The following ASIC2 variants were observed in gnomAD, a reference collection of about 807,000 sequenced individuals.
ASIC2 encodes the protein acid-sensing ion channel 2.
A neutral mutation model predicts 57.3 loss-of-function variants in ASIC2; 25 were observed. That is an observed-to-expected ratio of 0.44 (90% confidence interval 0.32 to 0.61). ASIC2 has a LOEUF of 0.61. ASIC2 is among the 20% of genes least tolerant of loss of function. The pLI, the probability that ASIC2 is intolerant of heterozygous loss-of-function variation, is 0.06. For missense variants in ASIC2, 641 were observed against 738.1 expected, an observed-to-expected ratio of 0.87 and a Z score of 1.52; for synonymous variants, 319 against 307.5, an observed-to-expected ratio of 1.04 and a Z score of -0.39.
chr17:33,133,594 C>A (rs2092356360), intron 1 of ASIC2, among the ~76,000 whole-genome samples: 1 of 152,182 alleles, frequency 6.6e-6, no homozygotes, highest in Non-Finnish European at 1.5e-5. Flanking sequence ...CCAAAGGATT[C>A]GATCTTAGAT....
At chr17:33,543,008 C>A (rs938326748) in intron 1 of ASIC2, among the ~76,000 whole-genome samples, 20 of 151,068 alleles carry the variant, frequency 1.3e-4, no homozygotes, top group African/African-American at 4.9e-4. Flanking sequence ...AAATTGGAAA[C>A]CATCATTCTC....
intron 1 of ASIC2, among the ~76,000 whole-genome samples, chr17:33,871,619 G>C (rs1914411867): frequency 6.6e-6 from 1 of 152,144 alleles, no homozygotes; most frequent in South Asian, 2.1e-4. Context: ...CTCCATTCTA[G>C]TCTAAAGGTG....
At chr17:33,322,808 C>T (rs906475509) in intron 1 of ASIC2, among the ~76,000 whole-genome samples, 1 of 151,890 alleles carries the variant, frequency 6.6e-6, no homozygotes, top group African/African-American at 2.4e-5. Context: ...GAGGAGGCTT[C>T]TCGGAGGAGG....
chr17:33,999,182 CTGCT>C (rs1171996903), intron 1 of ASIC2, among the ~76,000 whole-genome samples: 1 of 152,106 alleles, frequency 6.6e-6, no homozygotes, highest in Admixed American at 6.5e-5. Flanking sequence ...AGAGCTACTC[CTGCT>C]TTTCTTTGGT....
At chr17:33,909,191 G>T (rs1915410164) in intron 1 of ASIC2, among the ~76,000 whole-genome samples, 1 of 152,146 alleles carries the variant, frequency 6.6e-6, no homozygotes, top group Non-Finnish European at 1.5e-5. Context: ...GAACAGCAGT[G>T]GTGCCTGCGC....
chr17:33,044,309 T>C (rs899484603), intron 3 of ASIC2, among the ~76,000 whole-genome samples: 2 of 148,704 alleles, frequency 1.3e-5, no homozygotes, highest in Admixed American at 6.7e-5. Flanking sequence ...CATCCAACCA[T>C]CCATCCATCC....
At chr17:33,729,566 T>C (rs1014866689) in intron 1 of ASIC2, among the ~76,000 whole-genome samples, 1 of 152,220 alleles carries the variant, frequency 6.6e-6, no homozygotes, top group African/African-American at 2.4e-5. Context: ...AGGTAACTGT[T>C]ATACCCACAG....
At chr17:34,146,909 G>C (rs756738026) in intron 1 of ASIC2, 2 of 152,318 alleles carry the variant, frequency 1.3e-5, no homozygotes, top group East Asian at 3.9e-4. Flanking sequence ...CTTCAGTCAG[G>C]CATATCATGG....
intron 1 of ASIC2, among the ~76,000 whole-genome samples, chr17:33,470,790 A>G (rs1001018898): frequency 2.0e-5 from 3 of 152,184 alleles, no homozygotes; most frequent in Admixed American, 6.5e-5. Context: ...TGAAATAAGG[A>G]CATGCCAGAG....
intron 1 of ASIC2, among the ~76,000 whole-genome samples, chr17:33,957,062 G>C (rs958336498): frequency 1.3e-5 from 2 of 152,202 alleles, no homozygotes; most frequent in African/African-American, 4.8e-5. Flanking sequence ...TAATCCTAGA[G>C]ATGAGGGATG....
chr17:33,157,297 C>T (rs1373663458), intron 1 of ASIC2, among the ~76,000 whole-genome samples: 4 of 152,164 alleles, frequency 2.6e-5, no homozygotes, highest in Non-Finnish European at 5.9e-5. Flanking sequence ...TATTTCAGGC[C>T]AGCCTTACAT....
At chr17:34,097,668 T>C (rs900276806) in intron 1 of ASIC2, among the ~76,000 whole-genome samples, 1 of 152,110 alleles carries the variant, frequency 6.6e-6, no homozygotes, top group Non-Finnish European at 1.5e-5. Context: ...TTTTTTGTGG[T>C]TTTTTAAAGA....
intron 1 of ASIC2, among the ~76,000 whole-genome samples, chr17:33,330,239 T>G (rs1009260088): frequency 2.0e-5 from 3 of 152,262 alleles, no homozygotes; most frequent in South Asian, 2.1e-4. Context: ...TATTCTAGAC[T>G]CCTCACCCCA....
chr17:33,458,343 C>T (rs777785159), intron 1 of ASIC2, among the ~76,000 whole-genome samples: 12 of 152,222 alleles, frequency 7.9e-5, no homozygotes, highest in Non-Finnish European at 1.5e-4. Context: ...GAGCCTCATA[C>T]TACTTGTTTG....
At chr17:34,144,687 T>C (rs771894773) in intron 1 of ASIC2, among the ~76,000 whole-genome samples, 4 of 152,190 alleles carry the variant, frequency 2.6e-5, no homozygotes, top group Non-Finnish European at 5.9e-5. Context: ...AAGTAATTTG[T>C]ACAAGGTCAG....
At chr17:33,732,941 TA>T (rs1597853662) in intron 1 of ASIC2, among the ~76,000 whole-genome samples, 3 of 152,204 alleles carry the variant, frequency 2.0e-5, no homozygotes, top group Admixed American at 1.3e-4. Flanking sequence ...CCCAGCCCCC[TA>T]ATGTCAATGT....
chr17:33,070,175 G>T (rs527568709), intron 3 of ASIC2, among the ~76,000 whole-genome samples: 1 of 151,920 alleles, frequency 6.6e-6, no homozygotes, highest in Non-Finnish European at 1.5e-5. Context: ...TGTCCTTTAC[G>T]ATATTGCTGT....
At chr17:33,404,203 T>A (rs1910386456) in intron 1 of ASIC2, among the ~76,000 whole-genome samples, 1 of 152,130 alleles carries the variant, frequency 6.6e-6, no homozygotes, top group Non-Finnish European at 1.5e-5. Flanking sequence ...GACTGCAAAT[T>A]AATGAACATG....
At position 33,487,161 on chromosome 17, in the gene ASIC2, A is replaced by G. The variant is rs544446509; in HGVS notation, c.556-375094T>C. Among the ~76,000 whole-genome samples, 19 of 152,336 alleles carry G rather than the reference A, an allele frequency of 1.2e-4. No homozygotes were observed. In the South Asian group the frequency reaches 3.5e-3, roughly 28 times the overall value. ...AAGCAGAATTTTTTTTCTGGGACCAAGAAGAATTTTTAAAAACTAAGTACT... is the reference window on the plus strand; with the variant it reads ...AAGCAGAATTTTTTTTCTGGGACCAGGAAGAATTTTTAAAAACTAAGTACT... On this transcript the variant is annotated intron_variant, in intron 1 of 9. Coordinates refer to the ASIC2 transcript ENST00000359872.
Sources: allele counts gnomAD v4.1 joint callset (sites outside exome capture counted in the v4.1 genomes callset), GRCh38; gene constraint gnomAD v4.1.1; transcripts MANE v1.5; gene names NCBI Gene and HGNC (gene_info 2026-07-23, HGNC 2026-07-21).